The following PDGFC variants were observed in gnomAD, a reference collection of about 807,000 sequenced individuals.
The protein encoded by PDGFC is platelet-derived growth factor C.
In PDGFC, 12 loss-of-function variants were observed where a neutral mutation model predicts 35.5. The ratio of observed to expected loss-of-function variants is 0.34; its 90% CI spans 0.22 to 0.55. The LOEUF is 0.55. Among genes scored for constraint, PDGFC ranks in the 20% least tolerant of loss-of-function variants. The pLI, the probability that PDGFC is intolerant of heterozygous loss-of-function variation, is 0.91. For synonymous variants in PDGFC, 159 were observed against 148.8 expected (o/e 1.07, Z -0.50); for missense variants, 322 against 412.4 (o/e 0.78, Z 1.90).
intron 1 of PDGFC, among the ~76,000 whole-genome samples, chr4:156,941,464 C>T (rs1382963227): frequency 6.6e-6 from 1 of 152,138 alleles, no homozygotes; most frequent in African/African-American, 2.4e-5. Context: ...GACATCCAAA[C>T]AGCTTTCACA....
rs1290141050 is a variant in PDGFC, at chr4:156,796,231, G to A, written c.495+14606C>T. On this transcript the variant is annotated intron_variant, in intron 3 of 5. Coordinates refer to ENST00000502773, the MANE Select transcript of PDGFC (RefSeq NM_016205.3). ...GATACAAAATTATACCCTCCTTCTT[G>A]ATACTCTTGATTGAGCCATTTTTAA... Among the ~76,000 whole-genome samples, 11 of 152,006 alleles carry A rather than the reference G, an allele frequency of 7.2e-5. No individual in the cohort carries two copies. In the East Asian group the frequency reaches 1.7e-3, roughly 24 times the overall value.
intron 2 of PDGFC, among the ~76,000 whole-genome samples, chr4:156,811,325 T>TGTCATGAATA (rs1443145832): frequency 6.6e-6 from 1 of 152,102 alleles, no homozygotes; most frequent in African/African-American, 2.4e-5. Context: ...GATTCATGAA[T>TGTCATGAATA]TATTGAATAT....
At chr4:156,830,096 AT>A (rs1436143435) in intron 2 of PDGFC, among the ~76,000 whole-genome samples, 1 of 152,182 alleles carries the variant, frequency 6.6e-6, no homozygotes, top group East Asian at 1.9e-4. Flanking sequence ...ATTTGTAGCA[AT>A]TTACTTACTC....
At chr4:156,812,309 T>C (rs1025954076) in intron 2 of PDGFC, among the ~76,000 whole-genome samples, 4 of 152,110 alleles carry the variant, frequency 2.6e-5, no homozygotes, top group Non-Finnish European at 4.4e-5. Context: ...TCTAGGGTAA[T>C]TGTTACTGTT....
chr4:156,970,167 T>A (rs563476835), intron 1 of PDGFC, among the ~76,000 whole-genome samples: 1 of 152,256 alleles, frequency 6.6e-6, no homozygotes, highest in African/African-American at 2.4e-5. Context: ...AAAATAGCAG[T>A]CATTCACCAA....
intron 2 of PDGFC, among the ~76,000 whole-genome samples, chr4:156,815,658 T>C (rs1050122810): frequency 6.6e-6 from 1 of 152,040 alleles, no homozygotes; most frequent in African/African-American, 2.4e-5. Flanking sequence ...CTAAGCAATA[T>C]TGACACATAA....
chr4:156,872,198 T>C (rs1413651453), intron 1 of PDGFC, among the ~76,000 whole-genome samples: 1 of 152,158 alleles, frequency 6.6e-6, no homozygotes, highest in Non-Finnish European at 1.5e-5. Context: ...ATTTAATATA[T>C]GCTAATATAA....
chr4:156,921,855 T>C (rs1190543419), intron 1 of PDGFC, among the ~76,000 whole-genome samples: 2 of 152,080 alleles, frequency 1.3e-5, no homozygotes, highest in Non-Finnish European at 1.5e-5. Flanking sequence ...TATTCTTCCC[T>C]CCTCAGCAGC....
chr4:156,941,687 G>A (rs1731809497), intron 1 of PDGFC, among the ~76,000 whole-genome samples: 1 of 152,044 alleles, frequency 6.6e-6, no homozygotes, highest in African/African-American at 2.4e-5. Context: ...TTTTGGGCCG[G>A]TTAACGATTT....
At chr4:156,891,973 T>C (rs1431727044) in intron 1 of PDGFC, among the ~76,000 whole-genome samples, 1 of 152,132 alleles carries the variant, frequency 6.6e-6, no homozygotes. Context: ...TAACAATGAA[T>C]ACAGTATTCT....
chr4:156,908,545 G>A lies in PDGFC; in HGVS notation c.119-58129C>T, dbSNP rs181620068. On this transcript the variant is annotated intron_variant, in intron 1 of 5. Coordinates refer to ENST00000502773, the MANE Select transcript of PDGFC (RefSeq NM_016205.3). The stretch of plus-strand genomic sequence containing the variant: ...AGAACAAACTTGGCACTAGGAAATT[G>A]TCATCACAACATTGGACAAAATAAC... Among the ~76,000 whole-genome samples the A allele has an allele frequency of 1.8e-4, 28 of 152,228 alleles. No individual in the cohort carries two copies. In the East Asian group the frequency reaches 2.3e-3, roughly 13 times the overall value.
At chr4:156,898,127 A>C (rs149709054) in intron 1 of PDGFC, among the ~76,000 whole-genome samples, 74 of 152,282 alleles carry the variant, frequency 4.9e-4, no homozygotes, top group African/African-American at 1.7e-3. Context: ...AGGCCTCATG[A>C]AGGCAATTAA....
intron 1 of PDGFC, among the ~76,000 whole-genome samples, chr4:156,860,697 G>C (rs1729690019): frequency 6.6e-6 from 1 of 151,530 alleles, no homozygotes; most frequent in South Asian, 2.1e-4. Flanking sequence ...TTTAAAGAAA[G>C]ATATGCATAA....
At chr4:156,793,691 A>C (rs1156950579) in intron 3 of PDGFC, among the ~76,000 whole-genome samples, 4 of 151,800 alleles carry the variant, frequency 2.6e-5, no homozygotes, top group African/African-American at 9.7e-5. Context: ...GAATCAGAAC[A>C]TGTCAATAAA....
At chr4:156,843,107 C>T (rs374748546) in intron 2 of PDGFC, among the ~76,000 whole-genome samples, 1 of 152,046 alleles carries the variant, frequency 6.6e-6, no homozygotes, top group Non-Finnish European at 1.5e-5. Context: ...AAATCCTAAC[C>T]CCTAAGGTGA....
chr4:156,951,062 T>C (rs1732068725), intron 1 of PDGFC, among the ~76,000 whole-genome samples: 1 of 151,906 alleles, frequency 6.6e-6, no homozygotes, highest in Non-Finnish European at 1.5e-5. Flanking sequence ...GGTAGATGCT[T>C]CTTACACCCT....
At chr4:156,767,675 T>G in intron 5 of PDGFC, 98 bp downstream of exon 5, 3 of 739,934 alleles carry the variant, frequency 4.1e-6, no homozygotes, top group Non-Finnish European at 7.0e-6. Context: ...CCATGAATAC[T>G]ACGTCTTTTT....
chr4:156,869,738 T>A (rs2111138865), intron 1 of PDGFC, among the ~76,000 whole-genome samples: 1 of 152,292 alleles, frequency 6.6e-6, no homozygotes, highest in South Asian at 2.1e-4. Flanking sequence ...GAAATAAAAA[T>A]ATTCCACCAA....
At chr4:156,785,433 C>T (rs1424574158) in intron 3 of PDGFC, among the ~76,000 whole-genome samples, 3 of 152,136 alleles carry the variant, frequency 2.0e-5, no homozygotes. Context: ...AGGCTAGTCT[C>T]GAGCTCCTGA....
Sources: allele counts gnomAD v4.1 joint callset (sites outside exome capture counted in the v4.1 genomes callset), GRCh38; gene constraint gnomAD v4.1.1; transcripts MANE v1.5; gene names NCBI Gene and HGNC (gene_info 2026-07-23, HGNC 2026-07-21).